The following GRXCR1 variants were observed in gnomAD, a reference collection of about 807,000 sequenced individuals.
GRXCR1 encodes glutaredoxin domain-containing cysteine-rich protein 1.
In GRXCR1, 27 loss-of-function variants were observed where a neutral mutation model predicts 27.3. The ratio of observed to expected loss-of-function variants is 0.99; its 90% CI spans 0.73 to 1.37. The LOEUF (loss-of-function observed/expected upper bound fraction) is 1.37. GRXCR1 is among the 40% of genes most tolerant of loss of function. The probability of loss-of-function intolerance (pLI) is 0.00; values close to 1 mark genes in which losing one functional copy is unlikely to be tolerated. For missense variants in GRXCR1, 379 were observed against 354.4 expected (o/e 1.07, Z -0.56); for synonymous variants, 122 against 131.1 (o/e 0.93, Z 0.47).
At chr4:42,897,450 A>G (rs1746370461) in intron 1 of GRXCR1, among the ~76,000 whole-genome samples, 1 of 152,136 alleles carries the variant, frequency 6.6e-6, no homozygotes, top group Admixed American at 6.6e-5. Flanking sequence ...AAATAATTAC[A>G]ACACATACTA....
chr4:43,017,913 T>C (rs1295372268), intron 2 of GRXCR1, among the ~76,000 whole-genome samples: 4 of 152,204 alleles, frequency 2.6e-5, no homozygotes, highest in South Asian at 2.1e-4. Flanking sequence ...CTTTGGAATA[T>C]GCAAATGCAG....
At chr4:42,912,332 G>T (rs192775493) in intron 1 of GRXCR1, among the ~76,000 whole-genome samples, 4 of 152,200 alleles carry the variant, frequency 2.6e-5, no homozygotes, top group African/African-American at 9.6e-5. Context: ...GTATTGAAAA[G>T]GACCTGAAGA....
chr4:43,028,586 G>A (rs1165571616), intron 3 of GRXCR1, among the ~76,000 whole-genome samples: 1 of 152,172 alleles, frequency 6.6e-6, no homozygotes. Flanking sequence ...AATAGTGAAT[G>A]ACAAGGATCT....
intron 1 of GRXCR1, among the ~76,000 whole-genome samples, chr4:42,950,028 T>C (rs752758816): frequency 1.3e-5 from 2 of 152,302 alleles, no homozygotes; most frequent in Middle Eastern, 6.8e-3. Flanking sequence ...CAGAAAGGGA[T>C]TGGCTGCATT....
In GRXCR1 at chr4:42,984,045, A is replaced by G. The variant is rs1577931827; in HGVS notation, c.627+20911A>G. 2.6e-5 allele frequency among the ~76,000 whole-genome samples: 4 copies of G among 152,232 alleles called. No homozygotes were observed. In the East Asian group the frequency reaches 7.7e-4, roughly 29 times the overall value. ...GAGATGGGTTTTTGCCATGTTGGCC[A>G]GGCTGGTCTCGAACTCCTGACCTCA... is the stretch of plus-strand genomic sequence containing the variant. On this transcript the variant is annotated intron_variant, in intron 2 of 3. Coordinates refer to ENST00000399770, the MANE Select transcript of GRXCR1 (RefSeq NM_001080476.3).
Position 42,963,109 on chromosome 4 carries a change from T to G in GRXCR1, c.602T>G (p.Val201Gly). The change falls in exon 2 of 4, where the codon GTG (valine) becomes GGG (glycine). Residue 201 changes from valine to glycine, a missense_variant. By Grantham distance (109) the Val-to-Gly change is moderately radical (BLOSUM62 -3). Transcript: ENST00000399770. The stretch of plus-strand genomic sequence containing the variant: ...TCTGAAGCTCCTTCCCTCCCTGTTG[T>G]GTTCATTGATGGCCATTACCTTGGG... ...RVSEAPSLPV[V>G]FIDGHYLGGA... 1 of 1,612,772 alleles carries G rather than the reference T, an allele frequency of 6.2e-7. No individual in the cohort carries two copies. The highest frequency in any genetic ancestry group is 1.7e-4 in the Middle Eastern group (1 of 6,050).
At chr4:43,002,008 A>G (rs1402555516) in intron 2 of GRXCR1, among the ~76,000 whole-genome samples, 10 of 152,240 alleles carry the variant, frequency 6.6e-5, no homozygotes, top group Admixed American at 5.9e-4. Context: ...CGGAGTAAAG[A>G]ATAACAAGGC....
chr4:42,925,902 T>A (rs1577908004), intron 1 of GRXCR1, among the ~76,000 whole-genome samples: 1 of 152,044 alleles, frequency 6.6e-6, no homozygotes, highest in East Asian at 1.9e-4. Context: ...GAGTGAGAAC[T>A]TTAGTGTAGA....
At chr4:43,003,075 T>TC (rs1712428916) in intron 2 of GRXCR1, among the ~76,000 whole-genome samples, 1 of 152,154 alleles carries the variant, frequency 6.6e-6, no homozygotes, top group African/African-American at 2.4e-5. Flanking sequence ...GATCCTTTCT[T>TC]CCCCCTTTGC....
At chr4:42,922,927 G>A (rs545644229) in intron 1 of GRXCR1, among the ~76,000 whole-genome samples, 17 of 152,168 alleles carry the variant, frequency 1.1e-4, no homozygotes, top group Non-Finnish European at 1.6e-4. Flanking sequence ...AAAGTAAGTG[G>A]CTTCACTGTG....
chr4:42,962,345 C>G (rs1371619815), intron 1 of GRXCR1, among the ~76,000 whole-genome samples: 2 of 151,890 alleles, frequency 1.3e-5, no homozygotes, highest in Admixed American at 1.3e-4. Context: ...TGTGGGAGCC[C>G]TGTCACTCAA....
intron 2 of GRXCR1, among the ~76,000 whole-genome samples, chr4:43,007,933 T>A (rs1415264949): frequency 1.3e-5 from 2 of 152,214 alleles, no homozygotes; most frequent in African/African-American, 4.8e-5. Flanking sequence ...GCCCATTTTG[T>A]TTCATTTTTA....
Position 42,962,159 on chromosome 4 carries a change from G to A in GRXCR1, c.385-733G>A, listed in dbSNP as rs149933115. 2.5e-4 allele frequency among the ~76,000 whole-genome samples: 38 copies of A among 152,054 alleles called. 1 individual carries two copies. In the East Asian group the frequency reaches 6.4e-3, roughly 26 times the overall value. On this transcript the variant is annotated intron_variant, in intron 1 of 3. Transcript: ENST00000399770. ...AAATGTAGAAAAAGATTCTCACACA[G>A]GACAGTCTTCATCTTGTTTTTGAGT...
chr4:43,008,216 A>G (rs1159452820), intron 2 of GRXCR1, among the ~76,000 whole-genome samples: 1 of 152,196 alleles, frequency 6.6e-6, no homozygotes, highest in African/African-American at 2.4e-5. Flanking sequence ...TTACCTCAGT[A>G]AGTGGCTAGC....
chr4:43,025,081 C>T (rs1219522542), intron 3 of GRXCR1, among the ~76,000 whole-genome samples: 1 of 152,114 alleles, frequency 6.6e-6, no homozygotes, highest in Admixed American at 6.5e-5. Flanking sequence ...CATCCTGTTT[C>T]TATATTGCAT....
In GRXCR1 at chr4:43,019,714, G is replaced by T. The variant is rs1478702391; in HGVS notation, c.628-640G>T. The stretch of plus-strand genomic sequence containing the variant: ...TTAGAAGTTAAAAGCATCAGCTCTG[G>T]AGTGCATGCCCTACCTGTGTTTAAA... On this transcript the variant is annotated intron_variant, in intron 2 of 3. Transcript: ENST00000399770. Among the ~76,000 whole-genome samples, 11 of 152,124 alleles carry T rather than the reference G, an allele frequency of 7.2e-5. 1 individual carries two copies. Among genetic ancestry groups the T allele is most frequent in the South Asian group, 6.2e-4 (3 of 4,816 alleles).
chr4:42,957,232 T>C (rs1371372993), intron 1 of GRXCR1, among the ~76,000 whole-genome samples: 2 of 152,090 alleles, frequency 1.3e-5, no homozygotes, highest in Non-Finnish European at 2.9e-5. Context: ...CGCACTATGC[T>C]TTCCTAATTA....
chr4:43,022,725 T>C (rs1713133488), intron 3 of GRXCR1, among the ~76,000 whole-genome samples: 1 of 152,156 alleles, frequency 6.6e-6, no homozygotes, highest in Non-Finnish European at 1.5e-5. Context: ...GGGAGAGCCA[T>C]GCAAAGAGGA....
chr4:42,990,173 CTTTTTTTTTTTTTTTTT>C lies in GRXCR1; in HGVS notation c.627+27059_627+27075del, dbSNP rs745784596. Among the ~76,000 whole-genome samples the C allele has an allele frequency of 5.0e-3, 230 of 46,230 alleles. 1 individual carries two copies. Among genetic ancestry groups the C allele is most frequent in the Admixed American group, 6.2e-3 (17 of 2,756 alleles). 30.3% of individuals were successfully genotyped at this position (46,230 alleles called of 152,430 possible). The stretch of plus-strand genomic sequence containing the variant: ...AACTTCTTGAATTGAATTATTAGTT[CTTTTTTTTTTTTTTTTT>C]TTTTTTTTTTTTTTTTTTTGAGACG... On this transcript the variant is annotated intron_variant, in intron 2 of 3. Transcript: ENST00000399770.
Sources: allele counts gnomAD v4.1 joint callset (sites outside exome capture counted in the v4.1 genomes callset), GRCh38; gene constraint gnomAD v4.1.1; transcripts MANE v1.5; gene names NCBI Gene and HGNC (gene_info 2026-07-23, HGNC 2026-07-21).